ZWILCH: variants seen among roughly 807,000 people sequenced by gnomAD.
The protein encoded by ZWILCH is zwilch kinetochore protein, also known as protein zwilch homolog.
A neutral mutation model predicts 79.9 loss-of-function variants in ZWILCH; 74 were observed. The ratio of observed to expected loss-of-function variants is 0.93; its 90% CI spans 0.77 to 1.12. The LOEUF (loss-of-function observed/expected upper bound fraction) is 1.12. ZWILCH is among the 50% of genes most tolerant of loss of function. The pLI, the probability that ZWILCH is intolerant of heterozygous loss-of-function variation, is 0.00. For synonymous variants in ZWILCH, 241 were observed against 228.2 expected (o/e 1.06, Z -0.51); for missense variants, 694 against 687.5 (o/e 1.01, Z -0.11).
chr15:66,515,552 T>C lies in ZWILCH; in HGVS notation c.228T>C (p.His76=). Residue 76 remains histidine (H), a synonymous_variant, in exon 4 of 19, where the codon CAT becomes CAC. Coordinates refer to ENST00000307897, the MANE Select transcript of ZWILCH (RefSeq NM_017975.5). ...KVPLEKEETS[H]IEELQSEETA... ...CTTTAGAAAAGGAAGAAACAAGTCA[T>C]ATTGAAGAACTTCAATCTGAAGAAA... 1.2e-6 allele frequency: 2 copies of C among 1,609,478 alleles called. No homozygotes were observed. The highest frequency in any genetic ancestry group is 1.7e-6 in the Non-Finnish European group (2 of 1,177,566).
chr15:66,544,719 G>GT (rs1555426538), intron 17 of ZWILCH, among the ~76,000 whole-genome samples: 5 of 44,778 alleles, frequency 1.1e-4, no homozygotes, highest in Admixed American at 2.9e-4. Context: ...TTGTTTTTTT[G>GT]GTTTTTGTGT....
In ZWILCH at chr15:66,537,184, T is replaced by C. The variant is rs562397303; in HGVS notation, c.1495T>C (p.Tyr499His). The C allele has an allele frequency of 1.2e-6, 2 of 1,613,432 alleles. 1 individual carries two copies. Among genetic ancestry groups the C allele is most frequent in the South Asian group, 2.2e-5 (2 of 91,058 alleles). The change falls in exon 16 of 19, where the codon TAC (tyrosine) becomes CAC (histidine). Residue 499 changes from tyrosine to histidine, a missense_variant. Coordinates refer to ENST00000307897, the MANE Select transcript of ZWILCH (RefSeq NM_017975.5). Reference protein sequence around the residue: ...FSLTQICIKYYKQNPLDEQHI... With the variant: ...FSLTQICIKYHKQNPLDEQHI... ...TTTTTTCAGGATCTGCATAAAGTAT[T>C]ACAAACAAAATCCTCTTGATGAGCA...
chr15:66,532,100 T>G, intron 12 of ZWILCH, 147 bp from the exon 13 acceptor site: 2 of 535,374 alleles, frequency 3.7e-6, no homozygotes, highest in East Asian at 3.6e-5. Context: ...ACTTGGGGGG[T>G]TTTGTTCAAA....
chr15:66,523,794 A>G, intron 8 of ZWILCH, 46 bp downstream of exon 8: 1 of 1,440,804 alleles, frequency 6.9e-7, no homozygotes, highest in South Asian at 1.2e-5. Flanking sequence ...ATGTTTTTAT[A>G]AACATGTGTG....
chr15:66,506,861 C>CTTT (rs545920806), intron 1 of ZWILCH, among the ~76,000 whole-genome samples: 2 of 140,244 alleles, frequency 1.4e-5, no homozygotes, highest in East Asian at 4.1e-4. Context: ...TATTTAGACC[C>CTTT]TTTTTTTTTT....
intron 17 of ZWILCH, among the ~76,000 whole-genome samples, chr15:66,543,587 T>G (rs1259792107): frequency 2.0e-5 from 3 of 152,078 alleles, no homozygotes; most frequent in Admixed American, 1.3e-4. Flanking sequence ...TGGGACCCGA[T>G]CTGTACAAAA....
rs753867134 is a variant in ZWILCH, at chr15:66,508,855, A to G, written c.68A>G (p.Glu23Gly). The change falls in exon 2 of 19, where the codon GAA (glutamate) becomes GGA (glycine). Residue 23 changes from glutamate to glycine, a missense_variant. Coordinates refer to ENST00000307897, the MANE Select transcript of ZWILCH (RefSeq NM_017975.5). The part of the protein sequence containing the change: ...YSRLLQKFNE[E>G]KKGIRKDPFL... ...CTGCGTTTCAGGAAATTTAATGAAG[A>G]AAAGAAAGGAATCCGTAAAGACCCA... 1 of 1,614,138 alleles carries G rather than the reference A, an allele frequency of 6.2e-7. No individual in the cohort carries two copies. Among genetic ancestry groups the G allele is most frequent in the African/African-American group, 1.3e-5 (1 of 75,056 alleles).
intron 14 of ZWILCH, among the ~76,000 whole-genome samples, chr15:66,534,707 G>A (rs1446662366): frequency 6.6e-6 from 1 of 152,150 alleles, no homozygotes; most frequent in African/African-American, 2.4e-5. Flanking sequence ...CCTGTACAGG[G>A]CACTTACCAT....
At chr15:66,535,137 G>A (rs1403440561) in intron 14 of ZWILCH, among the ~76,000 whole-genome samples, 3 of 151,708 alleles carry the variant, frequency 2.0e-5, no homozygotes, top group Non-Finnish European at 2.9e-5. Flanking sequence ...ACTGTCTTCC[G>A]CCTCCACATC....
Position 66,528,872 on chromosome 15 carries a change from T to C in ZWILCH, c.990T>C (p.Ala330=). Residue 330 remains alanine (A), a synonymous_variant, in exon 11 of 19, where the codon GCT becomes GCC. Transcript: ENST00000307897. ...TEVETLKHDT[A]AVDRSVKRLF... ...TTCAGACCTTGAAGCATGACACTGC[T>C]GCAGTCGATCGTTCCGTCAAGCGTC... 1 of 1,614,104 alleles carries C rather than the reference T, an allele frequency of 6.2e-7. No individual in the cohort carries two copies. The highest frequency in any genetic ancestry group is 8.5e-7 in the Non-Finnish European group (1 of 1,179,964).
At chr15:66,515,392 CA>C in intron 3 of ZWILCH, 133 bp from the exon 4 acceptor site, 1 of 622,430 alleles carries the variant, frequency 1.6e-6, no homozygotes, top group Non-Finnish European at 2.7e-6. Context: ...TGCCAAAACC[CA>C]ATCATTTGTG....
chr15:66,522,139 A>G (rs1466816540), intron 7 of ZWILCH, among the ~76,000 whole-genome samples: 1 of 151,876 alleles, frequency 6.6e-6, no homozygotes, highest in Non-Finnish European at 1.5e-5. Context: ...CAGAGGTTTT[A>G]GTGAGCCAAG....
chr15:66,521,072 A>C lies in ZWILCH; in HGVS notation c.614A>C (p.Gln205Pro). ...LSTVTSKGFA[Q>P]YELFKSSALD... ...CAGGTAACATCCAAAGGCTTTGCCC[A>C]GTATGAGCTCTTTAAGTCCTCTGCC... The change falls in exon 7 of 19, where the codon CAG becomes CCG. Residue 205 changes from glutamine (Q) to proline (P), a missense_variant. By Grantham distance (76) the Gln-to-Pro change is moderately conservative. Coordinates refer to ENST00000307897, the MANE Select transcript of ZWILCH (RefSeq NM_017975.5). The C allele has an allele frequency of 6.2e-7, 1 of 1,614,190 alleles. No homozygotes were observed. Among genetic ancestry groups the C allele is most frequent in the Non-Finnish European group, 8.5e-7 (1 of 1,180,038 alleles).
At chr15:66,522,974 C>T (rs1169559403) in intron 7 of ZWILCH, among the ~76,000 whole-genome samples, 1 of 152,100 alleles carries the variant, frequency 6.6e-6, no homozygotes, top group Admixed American at 6.5e-5. Flanking sequence ...AGGGGCATGC[C>T]ACTAAACCTG....
At chr15:66,508,187 G>A (rs1251475132) in intron 1 of ZWILCH, among the ~76,000 whole-genome samples, 1 of 151,202 alleles carries the variant, frequency 6.6e-6, no homozygotes, top group Non-Finnish European at 1.5e-5. Context: ...GATCAGGCTG[G>A]TGTGTATTTT....
chr15:66,517,449 T>TAG, intron 4 of ZWILCH, among the ~76,000 whole-genome samples: 1 of 138,020 alleles, frequency 7.2e-6, no homozygotes, highest in Admixed American at 7.5e-5. Flanking sequence ...TATATATATA[T>TAG]ATATATAGTA....
At chr15:66,524,859 C>T (rs908049182) in intron 8 of ZWILCH, among the ~76,000 whole-genome samples, 11 of 152,108 alleles carry the variant, frequency 7.2e-5, no homozygotes, top group South Asian at 2.1e-4. Flanking sequence ...ACCCTTACTG[C>T]GGGCCTCCAT....
chr15:66,507,384 C>G (rs923009506), intron 1 of ZWILCH, among the ~76,000 whole-genome samples: 4 of 152,176 alleles, frequency 2.6e-5, no homozygotes, highest in Admixed American at 1.3e-4. Context: ...CATCCATGCT[C>G]TTTTCATTCA....
chr15:66,548,183 A>G (rs1351050293), intron 18 of ZWILCH, 168 bp from the exon 19 acceptor site: 2 of 194,888 alleles, frequency 1.0e-5, no homozygotes. Context: ...GTGATAAACA[A>G]TCAAGTCACA....
Sources: gnomAD v4.1 joint callset for allele counts (sites outside exome capture counted in the v4.1 genomes callset) on GRCh38, gnomAD v4.1.1 for gene constraint, MANE v1.5 for transcripts, NCBI Gene and HGNC (gene_info 2026-07-23, HGNC 2026-07-21) for gene names.